Variants in WWC2 observed in about 807,000 individuals in gnomAD.
The protein encoded by WWC2 is protein WWC2.
A neutral mutation model predicts 138.5 loss-of-function variants in WWC2; 101 were observed. The ratio of observed to expected loss-of-function variants is 0.73; its 90% CI spans 0.62 to 0.86. The LOEUF is 0.86. Ranked by LOEUF, WWC2 falls within the 40% of genes least tolerant of loss-of-function variation. The probability of loss-of-function intolerance (pLI) is 0.00; values close to 1 mark genes in which losing one functional copy is unlikely to be tolerated. For missense variants in WWC2, 1,420 were observed against 1,419.4 expected (o/e 1.00, Z -0.01); for synonymous variants, 558 against 538.4 (o/e 1.04, Z -0.50).
intron 16 of WWC2, among the ~76,000 whole-genome samples, chr4:183,278,520 C>A (rs1383351481): frequency 6.6e-6 from 1 of 151,942 alleles, no homozygotes; most frequent in Non-Finnish European, 1.5e-5. Context: ...TGAAGAAAGG[C>A]ATTGGTAGCT....
chr4:183,252,483 C>T (rs1323070931), intron 8 of WWC2, among the ~76,000 whole-genome samples: 1 of 152,160 alleles, frequency 6.6e-6, no homozygotes, highest in African/African-American at 2.4e-5. Flanking sequence ...GTTAACTCTA[C>T]CATGTGTTAC....
chr4:183,280,433 C>A (rs894797023), intron 16 of WWC2, among the ~76,000 whole-genome samples: 4 of 151,924 alleles, frequency 2.6e-5, no homozygotes, highest in Non-Finnish European at 5.9e-5. Context: ...ACTGACACTG[C>A]CACTGTTCTA....
At chr4:183,117,043 C>T (rs1419968545) in intron 1 of WWC2, among the ~76,000 whole-genome samples, 2 of 152,096 alleles carry the variant, frequency 1.3e-5, no homozygotes, top group Non-Finnish European at 2.9e-5. Context: ...TGTTGTCCCA[C>T]AGCTTCTCCC....
At chr4:183,247,522 ATATATATAC>A (rs910262225) in intron 6 of WWC2, among the ~76,000 whole-genome samples, 32 of 138,920 alleles carry the variant, frequency 2.3e-4, no homozygotes, top group South Asian at 8.6e-4. Context: ...ACACTATACT[ATATATATAC>A]TATATATACT....
At chr4:183,190,254 C>G (rs552080563) in intron 1 of WWC2, among the ~76,000 whole-genome samples, 2 of 152,264 alleles carry the variant, frequency 1.3e-5, no homozygotes, top group African/African-American at 4.8e-5. Flanking sequence ...TCAAAGAAAG[C>G]TTGAATGTGT....
intron 4 of WWC2, among the ~76,000 whole-genome samples, chr4:183,234,319 C>T (rs1373720520): frequency 6.6e-6 from 1 of 152,130 alleles, no homozygotes; most frequent in Non-Finnish European, 1.5e-5. Flanking sequence ...CAATTTAGCA[C>T]TCTGGGTTGT....
intron 5 of WWC2, among the ~76,000 whole-genome samples, chr4:183,243,253 TTACAC>T (rs144220724): frequency 0.033 from 4,982 of 152,256 alleles, 245 homozygotes; most frequent in African/African-American, 0.11. Flanking sequence ...TCTGAAGACT[TTACAC>T]AAACAGGAAG....
intron 4 of WWC2, among the ~76,000 whole-genome samples, chr4:183,227,935 CTAATA>C (rs1736119018): frequency 6.6e-6 from 1 of 151,932 alleles, no homozygotes; most frequent in South Asian, 2.1e-4. Context: ...GCAAATGAGT[CTAATA>C]TAAGATGATA....
intron 1 of WWC2, among the ~76,000 whole-genome samples, chr4:183,100,287 G>A (rs1743133856): frequency 6.6e-6 from 1 of 152,270 alleles, no homozygotes; most frequent in African/African-American, 2.4e-5. Flanking sequence ...ATTGTGTTTG[G>A]AAGGGAGATG....
intron 4 of WWC2, among the ~76,000 whole-genome samples, chr4:183,221,296 A>G (rs929767530): frequency 3.3e-5 from 5 of 152,240 alleles, no homozygotes; most frequent in African/African-American, 1.2e-4. Flanking sequence ...AATACCTGGA[A>G]TAAAGACCAA....
At chr4:183,230,559 C>G (rs112360644) in intron 4 of WWC2, among the ~76,000 whole-genome samples, 4,860 of 152,276 alleles carry the variant, frequency 0.032, 248 homozygotes, top group African/African-American at 0.11. Context: ...CGCCTGTAAT[C>G]CCAGCTATTC....
At position 183,208,066 on chromosome 4, in the gene WWC2, C is replaced by T; in HGVS notation, c.355C>T (p.His119Tyr). 1 of 1,613,854 alleles carries T rather than the reference C, an allele frequency of 6.2e-7. No homozygotes were observed. Among genetic ancestry groups the T allele is most frequent in the Non-Finnish European group, 8.5e-7 (1 of 1,179,836 alleles). Residue 119 changes from histidine (H) to tyrosine (Y), a missense_variant, in exon 3 of 23, where the codon CAT becomes TAT. Physicochemically the swap from His to Tyr is moderately conservative, Grantham distance 83. Coordinates refer to ENST00000403733, the MANE Select transcript of WWC2 (RefSeq NM_024949.6). The part of the protein sequence containing the change: ...DALRTQKELY[H>Y]VKEQRLALAL... ...CCTCCGGACACAGAAGGAACTGTAC[C>T]ATGTGAAGGAGCAGAGGCTGGCGCT...
intron 21 of WWC2, among the ~76,000 whole-genome samples, chr4:183,306,172 C>T (rs2111110110): frequency 6.6e-6 from 1 of 152,030 alleles, no homozygotes; most frequent in South Asian, 2.1e-4. Context: ...ATATAAAGTC[C>T]TCAATTAAAG....
chr4:183,314,546 T>C (rs542147393), intron 22 of WWC2, among the ~76,000 whole-genome samples: 1 of 152,308 alleles, frequency 6.6e-6, no homozygotes, highest in South Asian at 2.1e-4. Context: ...GCCTGGGCCG[T>C]TCTGCCCGGC....
In WWC2 at chr4:183,253,927, A is replaced by G. The variant is rs1459348591; in HGVS notation, c.1124A>G (p.Glu375Gly). Residue 375 changes from glutamate (E) to glycine (G), a missense_variant, in exon 9 of 23, where the codon GAA becomes GGA. Glu to Gly is a moderately conservative substitution (Grantham distance 98). Coordinates refer to ENST00000403733, the MANE Select transcript of WWC2 (RefSeq NM_024949.6). ...KRTQDELERL[E>G]AERQRLEEEL... is the part of the protein sequence containing the mutation. Reference sequence around the variant, plus strand: ...ACCCAAGATGAATTAGAACGCCTAGAAGCTGAAAGGCAGCGGCTGGAAGAA... The same window carrying G: ...ACCCAAGATGAATTAGAACGCCTAGGAGCTGAAAGGCAGCGGCTGGAAGAA... 6.2e-7 allele frequency: 1 copy of G among 1,613,924 alleles called. No individual in the cohort carries two copies. Among genetic ancestry groups the G allele is most frequent in the Admixed American group, 1.7e-5 (1 of 60,004 alleles).
intron 1 of WWC2, among the ~76,000 whole-genome samples, chr4:183,146,890 C>A (rs565953119): frequency 8.5e-5 from 13 of 152,278 alleles, no homozygotes; most frequent in Admixed American, 3.9e-4. Flanking sequence ...AAATGGGATC[C>A]TTAGTCAATC....
At chr4:183,201,268 A>G (rs1010821033) in intron 2 of WWC2, among the ~76,000 whole-genome samples, 5 of 13,310 alleles carry the variant, frequency 3.8e-4, no homozygotes, top group African/African-American at 4.6e-4. Context: ...GCTCTAGCAT[A>G]CAGTTTGTTT....
At chr4:183,148,419 TC>T (rs1462011257) in intron 1 of WWC2, among the ~76,000 whole-genome samples, 2 of 152,270 alleles carry the variant, frequency 1.3e-5, no homozygotes, top group Admixed American at 6.5e-5. Flanking sequence ...TATGTCCTCC[TC>T]CCCATTTTAA....
chr4:183,144,569 A>AT (rs1378530403), intron 1 of WWC2, among the ~76,000 whole-genome samples: 1 of 152,190 alleles, frequency 6.6e-6, no homozygotes, highest in Non-Finnish European at 1.5e-5. Context: ...CTAAATCGTT[A>AT]TTTTGAAGAT....
Sources: allele counts gnomAD v4.1 joint callset (sites outside exome capture counted in the v4.1 genomes callset), GRCh38; gene constraint gnomAD v4.1.1; transcripts MANE v1.5; gene names NCBI Gene and HGNC (gene_info 2026-07-23, HGNC 2026-07-21).